Variants in GCN1 observed in about 807,000 individuals in gnomAD.
GCN1 encodes GCN1 activator of EIF2AK4.
In GCN1, 90 loss-of-function variants were observed where a neutral mutation model predicts 288.4. The ratio of observed to expected loss-of-function variants is 0.31; its 90% CI spans 0.26 to 0.37. GCN1 has a LOEUF of 0.37. Ranked by LOEUF, GCN1 falls within the 10% of genes least tolerant of loss-of-function variation. The pLI is 1.00. For synonymous variants in GCN1, 1,386 were observed against 1,420.2 expected, an observed-to-expected ratio of 0.98 and a Z score of 0.54; for missense variants, 2,586 against 3,419.9, an observed-to-expected ratio of 0.76 and a Z score of 6.08.
chr12:120,130,468 T>C (rs765608509), intron 56 of GCN1, among the ~76,000 whole-genome samples, 178 bp downstream of exon 56: 1 of 152,166 alleles, frequency 6.6e-6, no homozygotes, highest in Admixed American at 6.5e-5. Flanking sequence ...TATTGCAGTG[T>C]AAAGCACACA....
chr12:120,173,980 G>A, intron 13 of GCN1, 91 bp downstream of exon 13: 3 of 1,025,804 alleles, frequency 2.9e-6, no homozygotes, highest in Non-Finnish European at 4.5e-6. Context: ...TGTGTCTTTA[G>A]GAGAGGTTTA....
At chr12:120,129,604 C>T (rs985660963) in intron 56 of GCN1, 110 bp from the exon 57 acceptor site, 1 of 776,222 alleles carries the variant, frequency 1.3e-6, no homozygotes, top group African/African-American at 1.7e-5. Context: ...ACTGACCCCC[C>T]CTGCTCCTGT....
chr12:120,145,916 T>G (rs1415912551), intron 38 of GCN1, among the ~76,000 whole-genome samples: 1 of 152,228 alleles, frequency 6.6e-6, no homozygotes. Context: ...TAACTTGTTA[T>G]AACTTGGGAA....
intron 9 of GCN1, among the ~76,000 whole-genome samples, chr12:120,176,871 A>G (rs1238661597): frequency 6.6e-6 from 1 of 151,834 alleles, no homozygotes; most frequent in Non-Finnish European, 1.5e-5. Flanking sequence ...GTTTCAAGTG[A>G]TTTTCCTGCC....
chr12:120,131,084 A>G, intron 55 of GCN1, 101 bp downstream of exon 55: 2 of 1,044,844 alleles, frequency 1.9e-6, no homozygotes, highest in South Asian at 1.5e-5. Context: ...ATTAGACCCA[A>G]GCTTCTTAAG....
intron 45 of GCN1, 107 bp downstream of exon 45, chr12:120,140,752 G>C: frequency 9.5e-7 from 1 of 1,056,344 alleles, no homozygotes; most frequent in East Asian, 2.4e-5. Flanking sequence ...CATCCCTGAG[G>C]GCAGCACAAA....
chr12:120,144,208 T>C lies in GCN1; in HGVS notation c.5495+98A>G. ...CAGGGCTCATCGTAAACTCCTGGGT[T>C]TAAGCAATCCTCCTGCCTCGGCTTT... On this transcript the variant is annotated intron_variant, in intron 42 of 57. Coordinates refer to ENST00000300648, the MANE Select transcript of GCN1 (RefSeq NM_006836.2). This position sits in a 1 kb window ranked among gnomAD's most constrained non-coding sequence, Gnocchi z 4.7. The C allele has an allele frequency of 1.5e-6, 2 of 1,378,278 alleles. No individual in the cohort carries two copies. The highest frequency in any genetic ancestry group is 2.1e-6 in the Non-Finnish European group (2 of 972,414). The allele number at this position is 1,378,278 out of a possible 1,614,324, so 85.4% of individuals were successfully genotyped here.
chr12:120,165,434 T>C (rs1878089345), intron 16 of GCN1, among the ~76,000 whole-genome samples: 2 of 152,174 alleles, frequency 1.3e-5, no homozygotes, highest in Non-Finnish European at 2.9e-5. Context: ...TCTCCCAAAG[T>C]GCTAGGATTA....
intron 2 of GCN1, among the ~76,000 whole-genome samples, chr12:120,186,176 T>C (rs1878814858): frequency 6.6e-6 from 1 of 151,956 alleles, no homozygotes; most frequent in Admixed American, 6.6e-5. Context: ...CCGTCTCTCC[T>C]AAAAATACAA....
At chr12:120,175,126 CAAAA>C (rs58560211) in intron 12 of GCN1, 32 bp downstream of exon 12, 14,039 of 1,044,086 alleles carry the variant, frequency 0.013, no homozygotes, top group East Asian at 0.032. Flanking sequence ...GACTTTCTCT[CAAAA>C]AAAAAAAAAA....
In GCN1 at chr12:120,155,496, C is replaced by A; in HGVS notation, c.3441-66G>T. 1 of 1,601,666 alleles carries A rather than the reference C, an allele frequency of 6.2e-7. No individual in the cohort carries two copies. Among genetic ancestry groups the A allele is most frequent in the Non-Finnish European group, 8.5e-7 (1 of 1,170,080 alleles). On this transcript the variant is annotated intron_variant, in intron 29 of 57. Transcript: ENST00000300648. This position sits in a 1 kb window ranked among gnomAD's most constrained non-coding sequence, Gnocchi z 4.9. The stretch of plus-strand genomic sequence containing the variant: ...TGCAGCACTTGCCCTGCCAGCCCAG[C>A]CCTTCTTCCCACTGGAGGCTGAGCA...
At position 120,158,659 on chromosome 12, in the gene GCN1, A is replaced by C; in HGVS notation, c.2750-44T>G. On this transcript the variant is annotated intron_variant, in intron 24 of 57. Transcript: ENST00000300648. The surrounding 1 kb of genome is among the most constrained non-coding windows in gnomAD (Gnocchi z 4.3). Reference sequence around the variant, plus strand: ...ACCCAGCAGGAGATGACACACAGAGATGTGGAATCCAGCCCAGGCTAAAAC... The same window carrying C: ...ACCCAGCAGGAGATGACACACAGAGCTGTGGAATCCAGCCCAGGCTAAAAC... 3 of 1,534,128 alleles carry C rather than the reference A, an allele frequency of 2.0e-6. No homozygotes were observed. Among genetic ancestry groups the C allele is most frequent in the Non-Finnish European group, 1.8e-6 (2 of 1,130,490 alleles).
Position 120,129,351 on chromosome 12 carries a change from GTTC to G in GCN1, c.7812_7814del (p.Lys2604del). On this transcript the variant is annotated inframe_deletion, in exon 57 of 58. Transcript: ENST00000300648. ...GGTCGCTGTAGGCCCTGACCACGGT[GTTC>G]TTATCCTTGGTGTTGTCAAGAAGAG... 6 of 1,614,102 alleles carry G rather than the reference GTTC, an allele frequency of 3.7e-6. No homozygotes were observed. The highest frequency in any genetic ancestry group is 5.1e-6 in the Non-Finnish European group (6 of 1,179,984).
chr12:120,171,383 C>T (rs534392935), intron 14 of GCN1, among the ~76,000 whole-genome samples: 307 of 152,144 alleles, frequency 2.0e-3, no homozygotes, highest in Admixed American at 4.9e-3. Context: ...TGGAGAATCG[C>T]TTAAACCCAG....
Position 120,129,571 on chromosome 12 carries a change from G to A in GCN1, c.7672-77C>T, listed in dbSNP as rs563358777. 3.2e-5 allele frequency: 33 copies of A among 1,043,600 alleles called. 1 individual carries two copies. Among genetic ancestry groups the A allele is most frequent in the South Asian group, 7.8e-5 (6 of 76,586 alleles). 64.6% of individuals were successfully genotyped at this position (1,043,600 alleles called of 1,614,324 possible). On this transcript the variant is annotated intron_variant, in intron 56 of 57. Transcript: ENST00000300648. ...TGAAGCAGCCCAAATGCCCAGCCTCGACACTCTCCCTACAGCATGAACACT... is the reference window on the plus strand; with the variant it reads ...TGAAGCAGCCCAAATGCCCAGCCTCAACACTCTCCCTACAGCATGAACACT...
intron 38 of GCN1, among the ~76,000 whole-genome samples, 194 bp downstream of exon 38, chr12:120,146,858 A>G (rs2139097368): frequency 6.6e-6 from 1 of 152,330 alleles, no homozygotes; most frequent in East Asian, 1.9e-4. Context: ...GAGAACTAAG[A>G]AGGACTTGAA....
intron 14 of GCN1, among the ~76,000 whole-genome samples, 189 bp downstream of exon 14, chr12:120,173,464 A>G (rs1319578970): frequency 6.6e-6 from 1 of 152,214 alleles, no homozygotes; most frequent in East Asian, 1.9e-4. Flanking sequence ...CAAGGGGGAG[A>G]AGCCAGAATT....
Position 120,187,887 on chromosome 12 carries a change from G to GAA in GCN1, c.121+2409_121+2410dup, listed in dbSNP as rs537567748. On this transcript the variant is annotated intron_variant, in intron 2 of 57. Transcript: ENST00000300648. ...TAAAAACAAACATACCAAAAGAAATGAAAAAAAAAAAAAACAAAAAACTAG... is the reference window on the plus strand; with the variant it reads ...TAAAAACAAACATACCAAAAGAAATGAAAAAAAAAAAAAAAACAAAAAACTAG... 1.9e-3 allele frequency among the ~76,000 whole-genome samples: 190 copies of GAA among 99,586 alleles called. 4 individuals are homozygous for GAA. Among genetic ancestry groups the GAA allele is most frequent in the African/African-American group, 4.8e-3 (127 of 26,488 alleles). The allele number at this position is 99,586 out of a possible 152,430, so 65.3% of individuals were successfully genotyped here. A position where few individuals can be genotyped will look rare whatever the true frequency, so the allele number is the denominator to read the frequency against.
At position 120,137,239 on chromosome 12, in the gene GCN1, G is replaced by A. The variant is rs1288667088; in HGVS notation, c.6744C>T (p.Gly2248=). The change falls in exon 50 of 58, where the codon GGC becomes GGT. Residue 2248 remains glycine, a synonymous_variant. Transcript: ENST00000300648. This position sits in a 1 kb window ranked among gnomAD's most constrained non-coding sequence, Gnocchi z 5.2. The part of the protein sequence containing the change: ...EIRLIGNESK[G]EHVPGFCLPK... ...GGAGGCAGAATCCTGGCACATGCTC[G>A]CCTTTGCTCTCGTTCCCTATGAGCC... The A allele has an allele frequency of 2.5e-6, 4 of 1,614,074 alleles. No individual in the cohort carries two copies. Among genetic ancestry groups the A allele is most frequent in the South Asian group, 1.1e-5 (1 of 91,076 alleles).
Sources: gnomAD v4.1 joint callset for allele counts (sites outside exome capture counted in the v4.1 genomes callset) on GRCh38, gnomAD v4.1.1 for gene constraint, Gnocchi (gnomAD v3.1) non-coding constraint, MANE v1.5 for transcripts, NCBI Gene and HGNC (gene_info 2026-07-23, HGNC 2026-07-21) for gene names.